Variants in SPOCK1 observed in about 807,000 individuals in gnomAD.
SPOCK1 encodes the protein SPARC (osteonectin), cwcv and kazal like domains proteoglycan 1.
A neutral mutation model predicts 55.3 loss-of-function variants in SPOCK1; 23 were observed. The observed-to-expected ratio is 0.42, with a 90% confidence interval of 0.30 to 0.59. The LOEUF (loss-of-function observed/expected upper bound fraction) is 0.59, where lower values mean the gene tolerates loss of function less well. Ranked by LOEUF, SPOCK1 falls within the 20% of genes least tolerant of loss-of-function variation. The pLI is 0.22. For synonymous variants in SPOCK1, 226 were observed against 221.0 expected (o/e 1.02, Z -0.20); for missense variants, 499 against 552.5 (o/e 0.90, Z 0.97).
intron 2 of SPOCK1, among the ~76,000 whole-genome samples, chr5:137,374,517 G>A (rs949921074): frequency 2.0e-5 from 3 of 152,172 alleles, no homozygotes; most frequent in African/African-American, 7.2e-5. Flanking sequence ...GGCCTCAGAG[G>A]CACTCCAACA....
chr5:137,218,690 G>A (rs1371596051), intron 3 of SPOCK1, among the ~76,000 whole-genome samples: 1 of 152,150 alleles, frequency 6.6e-6, no homozygotes, highest in Non-Finnish European at 1.5e-5. Context: ...TCATTCCTGA[G>A]ACACAGCAGA....
At chr5:137,408,610 C>A (rs1023252156) in intron 2 of SPOCK1, among the ~76,000 whole-genome samples, 2 of 152,208 alleles carry the variant, frequency 1.3e-5, no homozygotes, top group African/African-American at 4.8e-5. Flanking sequence ...AAGCTCCTAG[C>A]TGTGGCCAAC....
intron 2 of SPOCK1, among the ~76,000 whole-genome samples, chr5:137,403,739 A>C (rs938505699): frequency 2.0e-5 from 3 of 151,946 alleles, no homozygotes; most frequent in African/African-American, 7.3e-5. Flanking sequence ...AAAAACAGCA[A>C]GGGGGACGGT....
chr5:137,428,756 G>T (rs1033961803), intron 2 of SPOCK1, among the ~76,000 whole-genome samples: 6 of 152,188 alleles, frequency 3.9e-5, no homozygotes, highest in Admixed American at 3.3e-4. Context: ...AATTATGGGA[G>T]TTGTCCTAAC....
intron 2 of SPOCK1, among the ~76,000 whole-genome samples, chr5:137,314,744 T>C (rs756366639): frequency 6.6e-6 from 1 of 152,150 alleles, no homozygotes; most frequent in Non-Finnish European, 1.5e-5. Flanking sequence ...TTAAAGGTTT[T>C]AGAGTGCATG....
intron 2 of SPOCK1, among the ~76,000 whole-genome samples, chr5:137,450,556 G>T (rs992588793): frequency 6.6e-6 from 1 of 151,884 alleles, no homozygotes; most frequent in African/African-American, 2.4e-5. Context: ...GCTTAGAAGG[G>T]CCATGCTCTG....
At chr5:137,229,832 T>C (rs990477950) in intron 3 of SPOCK1, among the ~76,000 whole-genome samples, 6 of 152,148 alleles carry the variant, frequency 3.9e-5, no homozygotes, top group African/African-American at 1.4e-4. Flanking sequence ...GTCCCTCACA[T>C]GTACAGCTCA....
chr5:137,398,721 GATA>G (rs1280110463), intron 2 of SPOCK1, among the ~76,000 whole-genome samples: 1 of 152,110 alleles, frequency 6.6e-6, no homozygotes, highest in Non-Finnish European at 1.5e-5. Flanking sequence ...TGATTTTATG[GATA>G]ATATTTCCAT....
At position 136,978,705 on chromosome 5, in the gene SPOCK1, A is replaced by G; in HGVS notation, c.1269T>C (p.Asp423=). 2 of 1,613,620 alleles carry G rather than the reference A, an allele frequency of 1.2e-6. No individual in the cohort carries two copies. Among genetic ancestry groups the G allele is most frequent in the Non-Finnish European group, 1.7e-6 (2 of 1,179,864 alleles). The change falls in exon 11 of 11, where the codon GAT becomes GAC. Residue 423 remains aspartate (D), a synonymous_variant. Transcript: ENST00000394945. The part of the protein sequence containing the change: ...LRVHTRAVTE[D]DEDEDDDKED... ...CTTTGTCATCATCCTCATCCTCATC[A>G]TCCTCTGTCACGGCTCGGGTGTGCA... is the stretch of plus-strand genomic sequence containing the variant.
intron 9 of SPOCK1, among the ~76,000 whole-genome samples, chr5:136,984,141 C>CAGAA (rs1402144997): frequency 4.6e-5 from 7 of 152,294 alleles, no homozygotes; most frequent in African/African-American, 9.6e-5. Context: ...TTTTACTCAG[C>CAGAA]AGAAGAATGT....
intron 2 of SPOCK1, among the ~76,000 whole-genome samples, chr5:137,314,947 C>T (rs923892423): frequency 3.3e-5 from 5 of 152,154 alleles, no homozygotes; most frequent in African/African-American, 4.8e-5. Context: ...AGTCTCAATA[C>T]CCAGCAGAAA....
intron 2 of SPOCK1, among the ~76,000 whole-genome samples, chr5:137,336,667 C>T (rs1388253341): frequency 6.6e-6 from 1 of 152,168 alleles, no homozygotes; most frequent in Non-Finnish European, 1.5e-5. Context: ...GCTGCACAAA[C>T]TACCCTCTCT....
Position 137,288,660 on chromosome 5 carries a change from T to C in SPOCK1, c.187-21605A>G, listed in dbSNP as rs150263337. ...GCCTGGACACCAGGCTACATTTAGA[T>C]GGAAAATCTGGACTCACAAAGATTT... On this transcript the variant is annotated intron_variant, in intron 2 of 10. Coordinates refer to ENST00000394945, the MANE Select transcript of SPOCK1 (RefSeq NM_004598.4). Among the ~76,000 whole-genome samples the C allele has an allele frequency of 1.0e-3, 154 of 152,306 alleles. 2 individuals are homozygous for C. Among genetic ancestry groups the C allele is most frequent in the African/African-American group, 3.5e-3 (145 of 41,574 alleles).
intron 4 of SPOCK1, among the ~76,000 whole-genome samples, chr5:137,122,056 T>A (rs548491161): frequency 2.4e-3 from 364 of 151,874 alleles, no homozygotes; most frequent in Non-Finnish European, 4.1e-3. Context: ...ACTAATAGGA[T>A]GACGTGACCA....
chr5:137,283,797 A>AAGAG (rs1757214546), intron 2 of SPOCK1, among the ~76,000 whole-genome samples: 1 of 152,208 alleles, frequency 6.6e-6, no homozygotes, highest in Admixed American at 6.5e-5. Flanking sequence ...GCATTCAAGG[A>AAGAG]AGAGACAGTG....
chr5:137,192,754 T>C (rs556782532), intron 3 of SPOCK1, among the ~76,000 whole-genome samples: 6 of 152,182 alleles, frequency 3.9e-5, no homozygotes, highest in Non-Finnish European at 8.8e-5. Context: ...GAGCTAGAAC[T>C]GCATGAACCA....
At chr5:137,486,734 A>G (rs1323095462) in intron 2 of SPOCK1, among the ~76,000 whole-genome samples, 1 of 152,246 alleles carries the variant, frequency 6.6e-6, no homozygotes, top group Non-Finnish European at 1.5e-5. Flanking sequence ...GAATTTTTAA[A>G]CCAACAATTC....
intron 6 of SPOCK1, among the ~76,000 whole-genome samples, chr5:137,004,035 G>C (rs1157695359): frequency 2.6e-5 from 4 of 152,162 alleles, no homozygotes; most frequent in African/African-American, 9.6e-5. Context: ...CCCTGGTTTA[G>C]AGTGGATGGT....
At chr5:137,337,734 T>C (rs1361059018) in intron 2 of SPOCK1, among the ~76,000 whole-genome samples, 1 of 152,242 alleles carries the variant, frequency 6.6e-6, no homozygotes, top group Non-Finnish European at 1.5e-5. Context: ...ACAGAGAGAA[T>C]TCAGTTTACA....
Sources: allele counts gnomAD v4.1 joint callset (sites outside exome capture counted in the v4.1 genomes callset), GRCh38; gene constraint gnomAD v4.1.1; transcripts MANE v1.5; gene names NCBI Gene and HGNC (gene_info 2026-07-23, HGNC 2026-07-21).